Variants in SGCZ observed in about 807,000 individuals in gnomAD.
The protein encoded by SGCZ is sarcoglycan zeta, also known as zeta-sarcoglycan.
Under a neutral mutation model 41.3 loss-of-function variants are expected in SGCZ, and 40 were observed. The observed-to-expected ratio is 0.97, with a 90% CI of 0.75 to 1.26. The LOEUF (loss-of-function observed/expected upper bound fraction) is 1.26. Among genes scored for constraint, SGCZ ranks in the 50% most tolerant of loss-of-function variants. SGCZ has a pLI of 0.00. For synonymous variants in SGCZ, 206 were observed against 137.5 expected (o/e 1.50, Z -3.49); for missense variants, 552 against 369.8 (o/e 1.49, Z -4.04).
At chr8:14,778,064 T>C (rs1563262779) in intron 1 of SGCZ, among the ~76,000 whole-genome samples, 2 of 152,036 alleles carry the variant, frequency 1.3e-5, no homozygotes, top group Non-Finnish European at 2.9e-5. Flanking sequence ...GCTGAGAATA[T>C]AGGCATGCAC....
chr8:14,937,715 G>A (rs567563387), intron 1 of SGCZ, among the ~76,000 whole-genome samples: 83 of 152,084 alleles, frequency 5.5e-4, no homozygotes, highest in African/African-American at 1.9e-3. Flanking sequence ...TTTTGTTTTA[G>A]ATATCCTTTT....
At chr8:14,330,188 T>A (rs574662440) in intron 2 of SGCZ, among the ~76,000 whole-genome samples, 1 of 152,300 alleles carries the variant, frequency 6.6e-6, no homozygotes, top group East Asian at 1.9e-4. Context: ...CATTTTTACC[T>A]CTTCTTTAAA....
rs114949150 is a variant in SGCZ, at chr8:14,110,827, C to A, written c.548-2592G>T. Among the ~76,000 whole-genome samples the A allele has an allele frequency of 5.1e-3, 770 of 152,124 alleles. 7 individuals are homozygous for A. Among genetic ancestry groups the A allele is most frequent in the African/African-American group, 0.018 (746 of 41,518 alleles). ...CAGCACTTTAGGAGGACGAAGCAGG[C>A]AGATCACTTGAGGGCAGGAGTTCCA... On this transcript the variant is annotated intron_variant, in intron 5 of 7. Transcript: ENST00000382080.
intron 1 of SGCZ, among the ~76,000 whole-genome samples, chr8:14,595,188 A>G (rs1805368654): frequency 6.6e-6 from 1 of 152,190 alleles, no homozygotes; most frequent in South Asian, 2.1e-4. Context: ...TTTCTCCTGG[A>G]GAACCACTGT....
intron 1 of SGCZ, among the ~76,000 whole-genome samples, chr8:14,945,932 A>AT (rs1292422397): frequency 2.8e-5 from 4 of 142,508 alleles, no homozygotes; most frequent in Admixed American, 7.3e-5. Flanking sequence ...GGCATGCCAG[A>AT]TTGCAGATAG....
intron 1 of SGCZ, among the ~76,000 whole-genome samples, chr8:14,904,733 T>C (rs1054672481): frequency 6.6e-6 from 1 of 152,052 alleles, no homozygotes; most frequent in Admixed American, 6.6e-5. Context: ...TAATTAGATT[T>C]GATAGTCTAT....
chr8:14,265,787 T>TA (rs373563218), intron 3 of SGCZ, among the ~76,000 whole-genome samples: 51 of 148,788 alleles, frequency 3.4e-4, no homozygotes, highest in African/African-American at 7.9e-4. Context: ...TGAAATAAAT[T>TA]AAAAAAAAAT....
At chr8:14,640,794 T>A (rs1806998880) in intron 1 of SGCZ, among the ~76,000 whole-genome samples, 1 of 151,540 alleles carries the variant, frequency 6.6e-6, no homozygotes, top group Non-Finnish European at 1.5e-5. Flanking sequence ...CCAGAGACAG[T>A]CAAAGCACAT....
chr8:14,392,197 G>C (rs1198009323), intron 2 of SGCZ, among the ~76,000 whole-genome samples: 1 of 152,004 alleles, frequency 6.6e-6, no homozygotes, highest in Non-Finnish European at 1.5e-5. Flanking sequence ...TTAATGCATA[G>C]CTTGTTCTCT....
intron 1 of SGCZ, among the ~76,000 whole-genome samples, chr8:14,656,632 C>CCCTCTCCTTT (rs1585159247): frequency 6.7e-6 from 1 of 148,390 alleles, no homozygotes; most frequent in Non-Finnish European, 1.5e-5. Context: ...CTCTCTCCTC[C>CCCTCTCCTTT]CCTCTCCTTT....
intron 1 of SGCZ, among the ~76,000 whole-genome samples, chr8:15,041,447 A>T (rs2130977919): frequency 6.6e-6 from 1 of 152,196 alleles, no homozygotes; most frequent in Admixed American, 6.5e-5. Flanking sequence ...ATATTATTTC[A>T]TAGTAATTAC....
chr8:14,174,160 C>T (rs1345045286), intron 4 of SGCZ, among the ~76,000 whole-genome samples: 1 of 151,964 alleles, frequency 6.6e-6, no homozygotes, highest in East Asian at 1.9e-4. Context: ...GGTAAGTGAC[C>T]TGGAATAGTT....
At chr8:15,060,959 T>C (rs1397789641) in intron 1 of SGCZ, among the ~76,000 whole-genome samples, 2 of 152,242 alleles carry the variant, frequency 1.3e-5, no homozygotes, top group East Asian at 3.9e-4. Context: ...GAAATTTGGG[T>C]AGAGTTTATA....
intron 2 of SGCZ, among the ~76,000 whole-genome samples, chr8:14,529,610 T>C (rs1193904628): frequency 6.6e-6 from 1 of 152,144 alleles, no homozygotes. Context: ...AGAGGTTTTA[T>C]GTTAATGTAC....
intron 1 of SGCZ, among the ~76,000 whole-genome samples, chr8:14,928,585 C>T (rs2130802258): frequency 6.6e-6 from 1 of 152,222 alleles, no homozygotes; most frequent in Middle Eastern, 3.4e-3. Flanking sequence ...AAAATGAAAA[C>T]AAAGTAGTTT....
chr8:14,812,916 C>T (rs17120307), intron 1 of SGCZ, among the ~76,000 whole-genome samples: 28,310 of 152,080 alleles, frequency 0.19, 4,615 homozygotes, highest in African/African-American at 0.44. Flanking sequence ...AGGATATTCC[C>T]TAATGTTCCT....
chr8:14,114,144 C>G (rs1319773952), intron 5 of SGCZ, among the ~76,000 whole-genome samples: 1 of 151,984 alleles, frequency 6.6e-6, no homozygotes, highest in African/African-American at 2.4e-5. Context: ...CAGTTGTATA[C>G]TTAGTACTGA....
chr8:14,877,954 A>C (rs1804426606), intron 1 of SGCZ, among the ~76,000 whole-genome samples: 1 of 151,930 alleles, frequency 6.6e-6, no homozygotes, highest in South Asian at 2.1e-4. Flanking sequence ...AGTACTGTTG[A>C]GAAGTGGGCT....
chr8:14,533,306 T>A (rs73190298), intron 2 of SGCZ, among the ~76,000 whole-genome samples: 33,521 of 126,468 alleles, frequency 0.27, 4,655 homozygotes, highest in Non-Finnish European at 0.36. Flanking sequence ...AATTTAAGAA[T>A]TTTTTACATT....
Sources: allele counts gnomAD v4.1 joint callset (sites outside exome capture counted in the v4.1 genomes callset), GRCh38; gene constraint gnomAD v4.1.1; transcripts MANE v1.5; gene names NCBI Gene and HGNC (gene_info 2026-07-23, HGNC 2026-07-21).